Variants in MAP2K1 observed in about 807,000 individuals in gnomAD.
MAP2K1 encodes dual specificity mitogen-activated protein kinase kinase 1.
In MAP2K1, 16 loss-of-function variants were observed where a neutral mutation model predicts 46.3. The ratio of observed to expected loss-of-function variants is 0.35; its 90% CI spans 0.23 to 0.52. MAP2K1 has a LOEUF of 0.52. MAP2K1 is among the 20% of genes least tolerant of loss of function. The probability of loss-of-function intolerance (pLI) is 0.94; values close to 1 mark genes in which losing one functional copy is unlikely to be tolerated. For missense variants in MAP2K1, 263 were observed against 497.1 expected, an observed-to-expected ratio of 0.53 and a Z score of 4.48; for synonymous variants, 183 against 185.6, an observed-to-expected ratio of 0.99 and a Z score of 0.11.
In MAP2K1 at chr15:66,397,710, A is replaced by C. The variant is rs908772075; in HGVS notation, c.80+10283A>C. Among the ~76,000 whole-genome samples, 5 of 152,212 alleles carry C rather than the reference A, an allele frequency of 3.3e-5. No individual in the cohort carries two copies. In the South Asian group the frequency reaches 1.0e-3, roughly 32 times the overall value. ...TAGACCTAACTTCCTGTTTATAGCA[A>C]ATACGGGGATAGAGGAATGAGTTAA... On this transcript the variant is annotated intron_variant, in intron 1 of 10. Coordinates refer to ENST00000307102, the MANE Select transcript of MAP2K1 (RefSeq NM_002755.4).
intron 5 of MAP2K1, among the ~76,000 whole-genome samples, chr15:66,458,981 A>C (rs977359766): frequency 1.5e-4 from 23 of 152,184 alleles, no homozygotes; most frequent in South Asian, 4.1e-4. Flanking sequence ...CGGGGCTCTC[A>C]GGTCAGAATG....
rs71139499 is a variant in MAP2K1 at position 66,435,351 on chromosome 15, A to ATT, written c.291+128_291+129dup. 0.54 allele frequency: 328,463 copies of ATT among 608,018 alleles called. 46,982 individuals carry two copies. The highest frequency in any genetic ancestry group is 0.78 in the African/African-American group (40,392 of 51,786). The allele number at this position is 608,018 out of a possible 1,614,324, so 37.7% of individuals were successfully genotyped here. On this transcript the variant is annotated intron_variant, in intron 2 of 10. Transcript: ENST00000307102. Reference sequence around the variant, plus strand: ...CTCAATACCTTTTTGTGCTGTTTGAATTTTTTTTTTTTTTTAAGACGGAGT... The same window carrying ATT: ...CTCAATACCTTTTTGTGCTGTTTGAATTTTTTTTTTTTTTTTTAAGACGGAGT...
chr15:66,402,329 C>CT (rs1209541336), intron 1 of MAP2K1, among the ~76,000 whole-genome samples: 1 of 152,146 alleles, frequency 6.6e-6, no homozygotes, highest in Non-Finnish European at 1.5e-5. Flanking sequence ...AGGTGTATGT[C>CT]TAAGTTAATT....
chr15:66,426,741 C>CTT (rs1482340845), intron 1 of MAP2K1, among the ~76,000 whole-genome samples: 2 of 152,236 alleles, frequency 1.3e-5, no homozygotes, highest in African/African-American at 4.8e-5. Flanking sequence ...GGGTTCAACT[C>CTT]TAATAGTCAC....
At chr15:66,415,785 T>TA in intron 1 of MAP2K1, among the ~76,000 whole-genome samples, 1 of 152,358 alleles carries the variant, frequency 6.6e-6, no homozygotes, top group East Asian at 1.9e-4. Flanking sequence ...AAACATACTA[T>TA]ATATATTCAC....
chr15:66,468,575 G>A (rs1470708329), intron 5 of MAP2K1, among the ~76,000 whole-genome samples: 2 of 152,152 alleles, frequency 1.3e-5, no homozygotes, highest in African/African-American at 4.8e-5. Flanking sequence ...TGAGTTCTGA[G>A]TAGAGCCCAC....
intron 1 of MAP2K1, among the ~76,000 whole-genome samples, chr15:66,413,911 C>CTTTTTTTTTTTTTTTTTTTTTT (rs10649963): frequency 9.0e-6 from 1 of 111,538 alleles, no homozygotes; most frequent in African/African-American, 3.5e-5. Flanking sequence ...TCTTCTTCTT[C>CTTTTTTTTTTTTTTTTTTTTTT]TTTTTTTTTT....
intron 5 of MAP2K1, among the ~76,000 whole-genome samples, chr15:66,461,542 T>C (rs986887488): frequency 2.6e-5 from 4 of 151,998 alleles, no homozygotes; most frequent in Admixed American, 6.6e-5. Context: ...TCTAGTGATA[T>C]AGCTCAGCTT....
intron 5 of MAP2K1, among the ~76,000 whole-genome samples, chr15:66,468,584 A>G (rs945302907): frequency 2.6e-5 from 4 of 152,194 alleles, no homozygotes; most frequent in Non-Finnish European, 5.9e-5. Context: ...AGTAGAGCCC[A>G]CACTGAATTC....
intron 1 of MAP2K1, among the ~76,000 whole-genome samples, chr15:66,390,696 T>G (rs1483326968): frequency 6.6e-6 from 1 of 152,190 alleles, no homozygotes; most frequent in Non-Finnish European, 1.5e-5. Context: ...GTTCCTCTGT[T>G]TAAAATGTTC....
At chr15:66,415,364 A>T (rs1318936779) in intron 1 of MAP2K1, among the ~76,000 whole-genome samples, 1 of 152,254 alleles carries the variant, frequency 6.6e-6, no homozygotes, top group Non-Finnish European at 1.5e-5. Context: ...TCCAGAAACC[A>T]GGGACAAAGG....
chr15:66,444,764 G>C, intron 5 of MAP2K1, 57 bp downstream of exon 5: 2 of 1,343,450 alleles, frequency 1.5e-6, no homozygotes, highest in Non-Finnish European at 2.1e-6. Flanking sequence ...TCCAAAGGCT[G>C]TTGCTTCCTC....
chr15:66,480,532 T>C (rs1253973283), intron 5 of MAP2K1, among the ~76,000 whole-genome samples: 1 of 151,986 alleles, frequency 6.6e-6, no homozygotes, highest in Non-Finnish European at 1.5e-5. Flanking sequence ...AGCCCAGGAG[T>C]TCAACTCAGC....
intron 2 of MAP2K1, 114 bp downstream of exon 2, chr15:66,435,351 A>ATTTT (rs71139499): frequency 0.015 from 8,904 of 609,378 alleles, 2 homozygotes; most frequent in Middle Eastern, 0.021. Flanking sequence ...TGCTGTTTGA[A>ATTTT]TTTTTTTTTT....
intron 3 of MAP2K1, among the ~76,000 whole-genome samples, chr15:66,442,110 C>G (rs563010456): frequency 2.0e-4 from 31 of 152,360 alleles, no homozygotes; most frequent in African/African-American, 7.2e-4. Context: ...TCCACTGCCT[C>G]TGTCCGGCAC....
intron 5 of MAP2K1, chr15:66,453,311 G>A: frequency 3.6e-6 from 2 of 552,688 alleles, no homozygotes; most frequent in Non-Finnish European, 6.4e-6. Context: ...ATGAAGAGAT[G>A]CTTTGTGAGC....
At chr15:66,424,171 T>C (rs994028781) in intron 1 of MAP2K1, among the ~76,000 whole-genome samples, 1 of 151,244 alleles carries the variant, frequency 6.6e-6, no homozygotes, top group Non-Finnish European at 1.5e-5. Flanking sequence ...GACTCTCCTG[T>C]CTCAGCCTCC....
At chr15:66,446,718 C>T in intron 5 of MAP2K1, 1 of 358,464 alleles carries the variant, frequency 2.8e-6, no homozygotes, top group Non-Finnish European at 5.9e-6. Context: ...CTGCCTGCTC[C>T]CATTGGTTCC....
rs768480988 is a variant in MAP2K1 at position 66,485,158 on chromosome 15, C to T, written c.862C>T (p.Pro288Ser). Residue 288 changes from proline (P) to serine (S), a missense_variant, in exon 7 of 11, where the codon CCC becomes TCC. Physicochemically the swap from Pro to Ser is moderately conservative, Grantham distance 74 (BLOSUM62 -1). Around this residue, in one of 4 missense-constraint regions of MAP2K1, gnomAD observed 118 missense variants for 193.0 expected, o/e 0.61. Transcript: ENST00000307102. Reference protein sequence around the residue: ...QVEGDAAETPPRPRTPGRPLS... With the variant: ...QVEGDAAETPSRPRTPGRPLS... ...GGAAGGAGATGCGGCTGAGACCCCA[C>T]CCAGGCCAAGGACCCCCGGGAGGCC... The T allele has an allele frequency of 6.2e-7, 1 of 1,613,978 alleles. No homozygotes were observed. Among genetic ancestry groups the T allele is most frequent in the Admixed American group, 1.7e-5 (1 of 60,022 alleles).
Sources: gnomAD v4.1 joint callset for allele counts (sites outside exome capture counted in the v4.1 genomes callset) on GRCh38, gnomAD v4.1.1 for gene constraint, gnomAD v4.1.1 regional missense constraint, MANE v1.5 for transcripts, NCBI Gene and HGNC (gene_info 2026-07-23, HGNC 2026-07-21) for gene names.